Variants in C8orf34 observed in about 807,000 individuals in gnomAD.
C8orf34 encodes the protein uncharacterized protein C8orf34.
A neutral mutation model predicts 68.3 loss-of-function variants in C8orf34; 65 were observed. The ratio of observed to expected loss-of-function variants is 0.95; its 90% CI spans 0.78 to 1.17. C8orf34 has a LOEUF of 1.17. C8orf34 is among the 50% of genes most tolerant of loss of function. The pLI, the probability that C8orf34 is intolerant of heterozygous loss-of-function variation, is 0.00. For synonymous variants in C8orf34, 244 were observed against 241.2 expected, an observed-to-expected ratio of 1.01 and a Z score of -0.11; for missense variants, 664 against 655.4, an observed-to-expected ratio of 1.01 and a Z score of -0.14.
intron 7 of C8orf34, among the ~76,000 whole-genome samples, chr8:68,586,528 T>C (rs1817214896): frequency 6.6e-6 from 1 of 152,182 alleles, no homozygotes; most frequent in African/African-American, 2.4e-5. Context: ...TCAGTCCAGA[T>C]AAACTGTAAT....
intron 5 of C8orf34, among the ~76,000 whole-genome samples, chr8:68,498,338 T>C (rs182948840): frequency 5.9e-5 from 9 of 152,298 alleles, no homozygotes. Flanking sequence ...ATATTTGACT[T>C]TGGAACAACT....
At chr8:68,659,753 C>CTGCTTGATATTCATGAACATTTCAGCTCT (rs1819616609) in intron 8 of C8orf34, among the ~76,000 whole-genome samples, 1 of 152,036 alleles carries the variant, frequency 6.6e-6, no homozygotes, top group Admixed American at 6.5e-5. Context: ...AACTCTAGTT[C>CTGCTTGATATTCATGAACATTTCAGCTCT]TGCTTGATAT....
At chr8:68,710,672 C>A (rs1389666870) in intron 9 of C8orf34, among the ~76,000 whole-genome samples, 4 of 152,148 alleles carry the variant, frequency 2.6e-5, no homozygotes, top group African/African-American at 9.7e-5. Flanking sequence ...TCTCTGCTCC[C>A]AACTGGTGGT....
chr8:68,670,979 ATC>A (rs1819990414), intron 8 of C8orf34, among the ~76,000 whole-genome samples: 1 of 152,138 alleles, frequency 6.6e-6, no homozygotes, highest in African/African-American at 2.4e-5. Context: ...GCTTCTTGTA[ATC>A]TCTGTCTTAT....
At chr8:68,598,320 A>G (rs7822850) in intron 7 of C8orf34, among the ~76,000 whole-genome samples, 87,946 of 151,956 alleles carry the variant, frequency 0.58, 25,641 homozygotes, top group African/African-American at 0.6. Context: ...ACTGTGAGAT[A>G]TACGATATTC....
At chr8:68,501,819 C>A (rs1463360512) in intron 5 of C8orf34, among the ~76,000 whole-genome samples, 1 of 152,062 alleles carries the variant, frequency 6.6e-6, no homozygotes, top group African/African-American at 2.4e-5. Flanking sequence ...ATATAATCAT[C>A]AATAGGAAGT....
chr8:68,684,297 G>A (rs1475650402), intron 8 of C8orf34, among the ~76,000 whole-genome samples: 1 of 152,092 alleles, frequency 6.6e-6, no homozygotes, highest in African/African-American at 2.4e-5. Flanking sequence ...TTCAGAAAAG[G>A]AAGAAAACGA....
At chr8:68,760,678 G>T (rs1220788099) in intron 10 of C8orf34, among the ~76,000 whole-genome samples, 1 of 152,028 alleles carries the variant, frequency 6.6e-6, no homozygotes, top group African/African-American at 2.4e-5. Flanking sequence ...TCCTTTAAAT[G>T]ACTTTATGTA....
At chr8:68,763,169 T>C (rs1823069871) in intron 10 of C8orf34, among the ~76,000 whole-genome samples, 1 of 152,226 alleles carries the variant, frequency 6.6e-6, no homozygotes, top group Non-Finnish European at 1.5e-5. Context: ...TGAATGAATT[T>C]GTAAACAAAA....
intron 12 of C8orf34, among the ~76,000 whole-genome samples, chr8:68,794,494 TA>T (rs1824113508): frequency 1.1e-5 from 1 of 88,914 alleles, no homozygotes. Context: ...TATATATATA[TA>T]TATATATATA....
chr8:68,743,571 G>A (rs1249937891), intron 10 of C8orf34, among the ~76,000 whole-genome samples: 1 of 152,224 alleles, frequency 6.6e-6, no homozygotes, highest in Non-Finnish European at 1.5e-5. Context: ...CCTCACTCGG[G>A]AAGCGCAAGG....
intron 8 of C8orf34, among the ~76,000 whole-genome samples, chr8:68,680,617 G>A (rs1251555571): frequency 1.3e-5 from 2 of 152,078 alleles, no homozygotes; most frequent in African/African-American, 2.4e-5. Context: ...GTCTAACAAA[G>A]ATCACATACT....
At chr8:68,757,573 A>G (rs12114487) in intron 10 of C8orf34, among the ~76,000 whole-genome samples, 46,811 of 151,984 alleles carry the variant, frequency 0.31, 7,722 homozygotes, top group East Asian at 0.46. Context: ...GTGAGCCGAG[A>G]TCACGCCACT....
At chr8:68,755,789 C>A (rs117217561) in intron 10 of C8orf34, among the ~76,000 whole-genome samples, 6,988 of 152,056 alleles carry the variant, frequency 0.046, 233 homozygotes, top group Middle Eastern at 0.11. Flanking sequence ...TGGCCAGGCG[C>A]GGTGGCTCAC....
chr8:68,768,887 C>CTT (rs112446204), intron 10 of C8orf34, among the ~76,000 whole-genome samples: 39 of 147,500 alleles, frequency 2.6e-4, no homozygotes, highest in Admixed American at 6.8e-4. Context: ...TGGGTTCACA[C>CTT]TTTTTTTTTT....
chr8:68,470,794 G>C (rs1812348169), intron 4 of C8orf34, among the ~76,000 whole-genome samples: 1 of 151,988 alleles, frequency 6.6e-6, no homozygotes, highest in South Asian at 2.1e-4. Context: ...TCTTTTATAA[G>C]GGCAGTAATC....
At chr8:68,608,834 A>C (rs1426419113) in intron 7 of C8orf34, among the ~76,000 whole-genome samples, 1 of 152,082 alleles carries the variant, frequency 6.6e-6, no homozygotes, top group Non-Finnish European at 1.5e-5. Context: ...TTTCAACCCA[A>C]AATGTTAATA....
chr8:68,457,565 C>T (rs1811605827), intron 3 of C8orf34, among the ~76,000 whole-genome samples: 1 of 152,088 alleles, frequency 6.6e-6, no homozygotes, highest in Non-Finnish European at 1.5e-5. Flanking sequence ...TTATTTTAAA[C>T]TCATAAAAAC....
chr8:68,504,751 C>T (rs559428391), intron 5 of C8orf34, among the ~76,000 whole-genome samples: 1 of 151,294 alleles, frequency 6.6e-6, no homozygotes, highest in Non-Finnish European at 1.5e-5. Flanking sequence ...GTGATCTCAG[C>T]TCACTGCAAC....
Sources: gnomAD v4.1 joint callset for allele counts (sites outside exome capture counted in the v4.1 genomes callset) on GRCh38, gnomAD v4.1.1 for gene constraint, MANE v1.5 for transcripts, NCBI Gene and HGNC (gene_info 2026-07-23, HGNC 2026-07-21) for gene names.